OPHN1: variants seen among roughly 807,000 people sequenced by gnomAD.
OPHN1 encodes oligophrenin 1.
In OPHN1, 11 loss-of-function variants were observed where a neutral mutation model predicts 60.7. The ratio of observed to expected loss-of-function variants is 0.18; its 90% confidence interval spans 0.11 to 0.30. The LOEUF is 0.30. Ranked by LOEUF, OPHN1 falls within the 10% of genes least tolerant of loss-of-function variation. The probability of loss-of-function intolerance (pLI) is 1.00; values close to 1 mark genes in which losing one functional copy is unlikely to be tolerated. For synonymous variants in OPHN1, 226 were observed against 222.6 expected (o/e 1.02, Z -0.14); for missense variants, 449 against 611.0 (o/e 0.73, Z 2.80).
intron 2 of OPHN1, among the ~76,000 whole-genome samples, chrX:68,359,342 C>A (rs1161874361): frequency 9.0e-6 from 1 of 111,582 alleles, no homozygotes; most frequent in Non-Finnish European, 1.9e-5. Flanking sequence ...GGTTTTACAG[C>A]TTTTATGAAC....
chrX:68,087,955 C>T (rs745836539), intron 19 of OPHN1, among the ~76,000 whole-genome samples: 3 of 112,055 alleles, frequency 2.7e-5, no homozygotes, highest in Non-Finnish European at 3.8e-5. Context: ...GAAAGTATCA[C>T]GTCTGTTGTT....
intron 15 of OPHN1, among the ~76,000 whole-genome samples, chrX:68,186,475 T>TAAAAA (rs748164914): frequency 2.7e-4 from 21 of 77,331 alleles, no homozygotes; most frequent in African/African-American, 9.3e-4. Context: ...AATATTACAG[T>TAAAAA]AAAAAAAAAA....
chrX:68,049,193 G>T (rs1334115079), intron 23 of OPHN1, among the ~76,000 whole-genome samples: 1 of 111,472 alleles, frequency 9.0e-6, no homozygotes, highest in Non-Finnish European at 1.9e-5. Context: ...CCAAATCTAT[G>T]TATACATACA....
intron 15 of OPHN1, among the ~76,000 whole-genome samples, chrX:68,136,152 A>G (rs1282394193): frequency 1.8e-5 from 2 of 111,006 alleles, no homozygotes; most frequent in Non-Finnish European, 1.9e-5. Flanking sequence ...CAAATTAAAT[A>G]TTATTAAATA....
chrX:68,323,156 T>C (rs1003295192), intron 2 of OPHN1, among the ~76,000 whole-genome samples: 4 of 112,220 alleles, frequency 3.6e-5, no homozygotes, highest in African/African-American at 3.2e-5. Context: ...GAACGATACA[T>C]ATACATTGTA....
chrX:68,051,714 A>C (rs779551365), intron 23 of OPHN1, among the ~76,000 whole-genome samples: 1 of 112,238 alleles, frequency 8.9e-6, no homozygotes, highest in Non-Finnish European at 1.9e-5. Context: ...AAACTAACAA[A>C]AAATATTGGG....
At chrX:68,419,254 T>A (rs1477317117) in intron 2 of OPHN1, among the ~76,000 whole-genome samples, 1 of 109,433 alleles carries the variant, frequency 9.1e-6, no homozygotes, top group East Asian at 2.9e-4. Flanking sequence ...CCTCAAGTGA[T>A]CTGCCCGCCT....
chrX:68,266,362 G>A (rs1228098140), intron 5 of OPHN1, among the ~76,000 whole-genome samples: 1 of 111,546 alleles, frequency 9.0e-6, no homozygotes, highest in African/African-American at 3.3e-5. Context: ...AAAGAGAGTG[G>A]GGGCCAATAT....
chrX:68,407,064 C>A (rs1362831358), intron 2 of OPHN1, among the ~76,000 whole-genome samples: 1 of 111,814 alleles, frequency 8.9e-6, no homozygotes, highest in East Asian at 2.8e-4. Context: ...ATTAGCCGGG[C>A]GTAGTGGTGT....
At chrX:68,404,827 C>G (rs2078733803) in intron 2 of OPHN1, among the ~76,000 whole-genome samples, 1 of 111,348 alleles carries the variant, frequency 9.0e-6, no homozygotes, top group Admixed American at 9.6e-5. Flanking sequence ...TCACAAAAGA[C>G]AAATACTGTA....
intron 18 of OPHN1, among the ~76,000 whole-genome samples, chrX:68,103,866 G>A (rs1354083113): frequency 8.9e-6 from 1 of 111,941 alleles, no homozygotes; most frequent in African/African-American, 3.2e-5. Context: ...CAAACAGGAA[G>A]AGAGGAAGTC....
In OPHN1 at chrX:68,117,077, T is replaced by A. The variant is rs191762866; in HGVS notation, c.1361+2171A>T. 3.4e-3 allele frequency among the ~76,000 whole-genome samples: 379 copies of A among 111,735 alleles called. 3 individuals are homozygous for A. The highest frequency in any genetic ancestry group is 0.012 in the African/African-American group (359 of 30,858). On this transcript the variant is annotated intron_variant, in intron 16 of 24. Transcript: ENST00000355520. ...TTTAAAATCTTTCAATATAGTCCCA[T>A]TACTTTTAAGATAAATTTAGACCCT...
intron 15 of OPHN1, among the ~76,000 whole-genome samples, chrX:68,164,324 A>T (rs760161728): frequency 1.9e-4 from 21 of 111,984 alleles, no homozygotes; most frequent in Non-Finnish European, 3.2e-4. Flanking sequence ...GGCCTTACAA[A>T]ATGTATTTCT....
intron 4 of OPHN1, among the ~76,000 whole-genome samples, chrX:68,277,689 G>T (rs898712609): frequency 1.7e-4 from 19 of 111,476 alleles, no homozygotes; most frequent in Non-Finnish European, 2.8e-4. Context: ...TACTCGGGAG[G>T]CTGAGGCAGG....
intron 9 of OPHN1, among the ~76,000 whole-genome samples, chrX:68,208,936 C>A (rs971788741): frequency 1.8e-5 from 2 of 112,216 alleles, no homozygotes; most frequent in African/African-American, 3.2e-5. Flanking sequence ...AGAAATTGTG[C>A]GACACACAGT....
intron 15 of OPHN1, among the ~76,000 whole-genome samples, chrX:68,174,548 T>C (rs962306945): frequency 1.0e-5 from 1 of 99,271 alleles, no homozygotes; most frequent in Non-Finnish European, 2.0e-5. Flanking sequence ...CGCAGCTTAC[T>C]GCAGCCTCGA....
At chrX:68,404,934 C>T (rs2078734467) in intron 2 of OPHN1, among the ~76,000 whole-genome samples, 1 of 110,997 alleles carries the variant, frequency 9.0e-6, no homozygotes, top group African/African-American at 3.3e-5. Flanking sequence ...GGGGAATTAG[C>T]ATTTAGTGGG....
intron 15 of OPHN1, among the ~76,000 whole-genome samples, chrX:68,151,026 T>C (rs781257301): frequency 1.8e-4 from 20 of 111,761 alleles, no homozygotes; most frequent in South Asian, 3.8e-4. Context: ...AGGAACTAGA[T>C]TAAGAAGCCA....
chrX:68,102,891 A>G (rs1212907926), intron 18 of OPHN1, among the ~76,000 whole-genome samples: 1 of 111,796 alleles, frequency 8.9e-6, no homozygotes, highest in Non-Finnish European at 1.9e-5. Flanking sequence ...TTGATAGCCT[A>G]CCCACCAAAA....
Sources: gnomAD v4.1 joint callset for allele counts (sites outside exome capture counted in the v4.1 genomes callset) on GRCh38, gnomAD v4.1.1 for gene constraint, MANE v1.5 for transcripts, NCBI Gene and HGNC (gene_info 2026-07-23, HGNC 2026-07-21) for gene names.